The following PRELID2 variants were observed in gnomAD, a reference collection of about 807,000 sequenced individuals.
PRELID2 encodes the protein PRELI domain containing 2.
A neutral mutation model predicts 28.4 loss-of-function variants in PRELID2; 25 were observed. The ratio of observed to expected loss-of-function variants is 0.88; its 90% confidence interval spans 0.64 to 1.23. The LOEUF (loss-of-function observed/expected upper bound fraction) is 1.23, where lower values mean the gene tolerates loss of function less well. PRELID2 is among the 50% of genes most tolerant of loss of function. The pLI, the probability that PRELID2 is intolerant of heterozygous loss-of-function variation, is 0.00. For missense variants in PRELID2, 201 were observed against 214.4 expected (o/e 0.94, Z 0.39); for synonymous variants, 76 against 71.6 (o/e 1.06, Z -0.31).
intron 1 of PRELID2, among the ~76,000 whole-genome samples, chr5:145,648,536 T>C (rs1397239926): frequency 6.6e-6 from 1 of 151,564 alleles, no homozygotes; most frequent in African/African-American, 2.4e-5. Context: ...AGTTTTATTG[T>C]TGGTTCATGA....
At chr5:145,646,468 T>G (rs1279633904) in intron 1 of PRELID2, among the ~76,000 whole-genome samples, 1 of 152,202 alleles carries the variant, frequency 6.6e-6, no homozygotes, top group Non-Finnish European at 1.5e-5. Context: ...TTCCTTGCAT[T>G]TGGTTAGAAC....
At chr5:145,455,823 G>A in the PRELID2 span, among the ~76,000 whole-genome samples, 22 of 152,148 alleles carry the variant, frequency 1.4e-4, no homozygotes, top group Non-Finnish European at 2.9e-4. Flanking sequence ...CTTCCTGGGT[G>A]AGGCGACACC....
intron 1 of PRELID2, among the ~76,000 whole-genome samples, chr5:145,545,657 C>A (rs150975841): frequency 2.6e-4 from 40 of 152,186 alleles, no homozygotes; most frequent in Non-Finnish European, 3.4e-4. Flanking sequence ...CTCGGTCATG[C>A]AACCAGCATT....
At chr5:145,341,124 A>T in the PRELID2 span, among the ~76,000 whole-genome samples, 1 of 152,054 alleles carries the variant, frequency 6.6e-6, no homozygotes, top group East Asian at 1.9e-4. Flanking sequence ...ATGAAAAGAA[A>T]TCCAAAAAAT....
chr5:145,561,856 A>G (rs1198015513), intron 1 of PRELID2, among the ~76,000 whole-genome samples: 1 of 152,236 alleles, frequency 6.6e-6, no homozygotes, highest in Non-Finnish European at 1.5e-5. Flanking sequence ...ATAAGTCAAA[A>G]AAAAGTATAA....
intron 1 of PRELID2, among the ~76,000 whole-genome samples, chr5:145,612,097 T>G (rs911399810): frequency 3.3e-5 from 5 of 152,170 alleles, no homozygotes; most frequent in South Asian, 2.1e-4. Flanking sequence ...GTAAAAAAAT[T>G]TGTAACTTGA....
At chr5:145,240,613 A>G in the PRELID2 span, among the ~76,000 whole-genome samples, 1 of 152,022 alleles carries the variant, frequency 6.6e-6, no homozygotes, top group Non-Finnish European at 1.5e-5. Context: ...AAACAACATT[A>G]TAATAAATGT....
Position 145,635,588 on chromosome 5 carries a change from A to G in PRELID2, n.70+129343T>C, listed in dbSNP as rs188425939. Among the ~76,000 whole-genome samples the G allele has an allele frequency of 1.6e-3, 245 of 152,344 alleles. 1 individual carries two copies. The highest frequency in any genetic ancestry group is 6.8e-3 in the Middle Eastern group (2 of 294). On this transcript the variant is annotated intron_variant and non_coding_transcript_variant, in intron 1 of 2. Coordinates refer to the PRELID2 transcript ENST00000510259. ...TCACACAGTGAATAAATGGCACTCA[A>G]GCCTGTCTGGCAGCAGTGCCTGAGC...
intron 1 of PRELID2, among the ~76,000 whole-genome samples, chr5:145,613,694 T>C (rs938150716): frequency 1.3e-5 from 2 of 152,148 alleles, no homozygotes; most frequent in African/African-American, 4.8e-5. Context: ...CTTACTGATT[T>C]GTTTGAGTTC....
At chr5:145,558,036 G>A (rs1752895981) in intron 1 of PRELID2, among the ~76,000 whole-genome samples, 1 of 152,138 alleles carries the variant, frequency 6.6e-6, no homozygotes, top group South Asian at 2.1e-4. Flanking sequence ...ATTATTTAAT[G>A]TCATGTCATT....
the PRELID2 span, among the ~76,000 whole-genome samples, chr5:145,415,194 T>C: frequency 6.6e-6 from 1 of 152,182 alleles, no homozygotes; most frequent in Non-Finnish European, 1.5e-5. Flanking sequence ...AACACACAAC[T>C]AAATGGAAAT....
chr5:145,361,819 C>G, the PRELID2 span, among the ~76,000 whole-genome samples: 2 of 152,160 alleles, frequency 1.3e-5, no homozygotes, highest in East Asian at 3.9e-4. Flanking sequence ...AGCCTTCACT[C>G]AAGCTGTCCT....
chr5:145,395,007 T>A, the PRELID2 span, among the ~76,000 whole-genome samples: 7 of 152,114 alleles, frequency 4.6e-5, no homozygotes, highest in African/African-American at 1.7e-4. Flanking sequence ...GAAATTGCCA[T>A]GTTATTCCCC....
At chr5:145,590,733 C>T (rs530225202) in intron 1 of PRELID2, among the ~76,000 whole-genome samples, 1 of 152,238 alleles carries the variant, frequency 6.6e-6, no homozygotes, top group East Asian at 1.9e-4. Flanking sequence ...CAGATAATAT[C>T]TAGAATCAGT....
chr5:145,607,970 T>C (rs1232801590), intron 1 of PRELID2, among the ~76,000 whole-genome samples: 2 of 152,176 alleles, frequency 1.3e-5, no homozygotes, highest in African/African-American at 2.4e-5. Flanking sequence ...GGTCTTCTTG[T>C]TGAACTGAAC....
intron 1 of PRELID2, among the ~76,000 whole-genome samples, chr5:145,550,959 T>C (rs1294987405): frequency 6.6e-6 from 1 of 152,230 alleles, no homozygotes; most frequent in Non-Finnish European, 1.5e-5. Flanking sequence ...ACCATTGTCG[T>C]GACTACATAA....
At chr5:145,373,156 T>C in the PRELID2 span, among the ~76,000 whole-genome samples, 10 of 35,270 alleles carry the variant, frequency 2.8e-4, no homozygotes, top group Admixed American at 4.4e-4. Flanking sequence ...ATAATATATA[T>C]GATATATATT....
At chr5:145,409,092 G>A in the PRELID2 span, among the ~76,000 whole-genome samples, 28 of 152,118 alleles carry the variant, frequency 1.8e-4, no homozygotes, top group Non-Finnish European at 3.2e-4. Context: ...ATAATTGTCA[G>A]CCAGGAGTTT....
chr5:145,647,645 T>C (rs1050188639), intron 1 of PRELID2, among the ~76,000 whole-genome samples: 31 of 152,202 alleles, frequency 2.0e-4, no homozygotes, highest in African/African-American at 7.5e-4. Flanking sequence ...AGTTTTGTGC[T>C]TGAAACCCAA....
Sources: allele counts gnomAD v4.1 joint callset (sites outside exome capture counted in the v4.1 genomes callset), GRCh38; gene constraint gnomAD v4.1.1; transcripts MANE v1.5; gene names NCBI Gene and HGNC (gene_info 2026-07-23, HGNC 2026-07-21).